COL6A1: variants seen among roughly 807,000 people sequenced by gnomAD.
COL6A1 encodes collagen type VI alpha 1 chain.
COL6A1 carries 80 observed loss-of-function variants against 145.6 expected under a neutral mutation model. The observed-to-expected ratio is 0.55, with a 90% CI of 0.46 to 0.66. The LOEUF (loss-of-function observed/expected upper bound fraction) is 0.66. COL6A1 is among the 30% of genes least tolerant of loss of function. The pLI, the probability that COL6A1 is intolerant of heterozygous loss-of-function variation, is 0.00. For synonymous variants in COL6A1, 638 were observed against 622.8 expected (o/e 1.02, Z -0.36); for missense variants, 1,364 against 1,473.8 (o/e 0.93, Z 1.22).
rs77777483 is a variant in COL6A1, at chr21:45,994,107, C to G, written c.1336-60C>G. The stretch of plus-strand genomic sequence containing the variant: ...AGCATGCTGTGGCTCCCAGCGTGCC[C>G]GGGCAGCCATCCTCCCCAAGGATGG... On this transcript the variant is annotated intron_variant, in intron 19 of 34. Transcript: ENST00000361866. This position sits in a 1 kb window ranked among gnomAD's most constrained non-coding sequence, Gnocchi z 6.8. 2 of 1,530,912 alleles carry G rather than the reference C, an allele frequency of 1.3e-6. No individual in the cohort carries two copies. Among genetic ancestry groups the G allele is most frequent in the South Asian group, 2.4e-5 (2 of 84,152 alleles). The allele number at this position is 1,530,912 out of a possible 1,614,324, so 94.8% of individuals were successfully genotyped here.
chr21:45,986,951 G>T lies in COL6A1; in HGVS notation c.596G>T (p.Arg199Leu). ...VAITPDHLEP[R>L]LSIIATDHTY... Reference sequence around the variant, plus strand: ...CCTGAACACTGCCCCCAGGAGCCGCGTCTGAGCATCATCGCCACGGACCAC... The same window carrying T: ...CCTGAACACTGCCCCCAGGAGCCGCTTCTGAGCATCATCGCCACGGACCAC... Residue 199 changes from arginine (R) to leucine (L), a missense_variant, in exon 5 of 35, where the codon CGT becomes CTT. By Grantham distance (102) the Arg-to-Leu change is moderately radical. Around this residue, in one of 3 missense-constraint regions of COL6A1, gnomAD observed 414 missense variants for 437.6 expected, o/e 0.95. Coordinates refer to ENST00000361866, the MANE Select transcript of COL6A1 (RefSeq NM_001848.3). 1 of 1,550,598 alleles carries T rather than the reference G, an allele frequency of 6.4e-7. No individual in the cohort carries two copies.
chr21:45,997,664 A>C (rs2276255), intron 21 of COL6A1, 36 bp from the exon 22 acceptor site: 3 of 1,569,482 alleles, frequency 1.9e-6, no homozygotes, highest in Non-Finnish European at 2.6e-6. Context: ...TCACCATGCT[A>C]AGCCTGCTCC....
At position 45,992,191 on chromosome 21, in the gene COL6A1, G is replaced by A. The variant is rs1491002060; in HGVS notation, c.1210G>A (p.Gly404Arg). ...EGQPGEPGPPGEKGEAGDEGN... is the reference protein window; with the variant it reads ...EGQPGEPGPPREKGEAGDEGN... ...CCAGCCGGGAGAGCCTGGGCCCCCCGGAGAGAAAGGAGAGGCGGGCGACGA... is the reference window on the plus strand; with the variant it reads ...CCAGCCGGGAGAGCCTGGGCCCCCCAGAGAGAAAGGAGAGGCGGGCGACGA... The change falls in exon 17 of 35, where the codon GGA (glycine) becomes AGA (arginine). Residue 404 changes from glycine to arginine, a missense_variant. Transcript: ENST00000361866. 1.4e-5 allele frequency: 23 copies of A among 1,613,786 alleles called. No individual in the cohort carries two copies. Among genetic ancestry groups the A allele is most frequent in the Non-Finnish European group, 1.9e-5 (22 of 1,179,996 alleles).
chr21:45,987,786 CGGCGGG>C, intron 8 of COL6A1, 132 bp downstream of exon 8: 4 of 567,344 alleles, frequency 7.1e-6, no homozygotes, highest in African/African-American at 4.0e-5. Context: ...ATGGAGGGGA[CGGCGGG>C]GGTCCAGATG....
In COL6A1 at chr21:45,990,433, G is replaced by T; in HGVS notation, c.1002+11G>T. 1.5e-6 allele frequency: 2 copies of T among 1,366,870 alleles called. No individual in the cohort carries two copies. The highest frequency in any genetic ancestry group is 2.0e-6 in the Non-Finnish European group (2 of 1,012,640). 84.7% of individuals were successfully genotyped at this position (1,366,870 alleles called of 1,614,324 possible). ...GTGGACGGCGTGAAGGTGACTGGGG[G>T]GAGATAGGATGGACGGGGAGGGACG... On this transcript the variant is annotated intron_variant, in intron 13 of 34. Coordinates refer to ENST00000361866, the MANE Select transcript of COL6A1 (RefSeq NM_001848.3).
chr21:45,997,284 C>A (rs1208460929), intron 20 of COL6A1, 137 bp from the exon 21 acceptor site: 2 of 818,784 alleles, frequency 2.4e-6, no homozygotes, highest in Non-Finnish European at 2.1e-6. Context: ...GCCTGGCTCT[C>A]CCCCTGCACT....
rs1398547363 is a variant in COL6A1, at chr21:45,994,981, G to A, written c.1398+752G>A. On this transcript the variant is annotated intron_variant, in intron 20 of 34. Transcript: ENST00000361866. The surrounding 1 kb of genome is among the most constrained non-coding windows in gnomAD (Gnocchi z 6.8). ...GCAGCTGCCCACACACCGAGCACAAGGCCAGACCCTGGGCACGGCAGCTGT... is the reference window on the plus strand; with the variant it reads ...GCAGCTGCCCACACACCGAGCACAAAGCCAGACCCTGGGCACGGCAGCTGT... 6.6e-6 allele frequency among the ~76,000 whole-genome samples: 1 copy of A among 152,274 alleles called. No individual in the cohort carries two copies. The highest frequency in any genetic ancestry group is 1.5e-5 in the Non-Finnish European group (1 of 68,046).
At chr21:45,983,413 C>T (rs1040994957) in intron 2 of COL6A1, among the ~76,000 whole-genome samples, 3 of 151,864 alleles carry the variant, frequency 2.0e-5, no homozygotes, top group African/African-American at 4.8e-5. Flanking sequence ...GCATGTAGAA[C>T]GGGGCTCCCC....
chr21:45,984,450 C>G lies in COL6A1; in HGVS notation c.409C>G (p.Leu137Val), dbSNP rs139648899. Residue 137 changes from leucine to valine, a missense_variant, in exon 3 of 35, where the codon CTG (leucine) becomes GTG (valine). By Grantham distance (32) the Leu-to-Val change is conservative. Coordinates refer to ENST00000361866, the MANE Select transcript of COL6A1 (RefSeq NM_001848.3). ...CACCGACTGCGCTATCAAGAAGGGG[C>G]TGGAGCAGCTCCTCGTGGGGTGAGT... ...TYTDCAIKKG[L>V]EQLLVGGSHL... is the part of the protein sequence containing the mutation. 1.7e-4 allele frequency: 273 copies of G among 1,611,006 alleles called. 1 individual carries two copies. The highest frequency in any genetic ancestry group is 1.7e-4 in the Non-Finnish European group (202 of 1,179,922).
chr21:45,982,509 G>A (rs2072698), intron 1 of COL6A1, 125 bp from the exon 2 acceptor site: 1 of 1,407,460 alleles, frequency 7.1e-7, no homozygotes. Flanking sequence ...GCCTTTTCCC[G>A]GGAGAGCCTC....
At position 46,003,847 on chromosome 21, in the gene COL6A1, T is replaced by C. The variant is rs1319880217; in HGVS notation, c.2921T>C (p.Val974Ala). The C allele has an allele frequency of 1.2e-6, 2 of 1,601,314 alleles. No individual in the cohort carries two copies. The highest frequency in any genetic ancestry group is 4.5e-5 in the East Asian group (2 of 44,566). Residue 974 changes from valine to alanine, a missense_variant, in exon 35 of 35, where the codon GTG (valine) becomes GCG (alanine). By Grantham distance (64) the Val-to-Ala change is moderately conservative. Around this residue, in one of 3 missense-constraint regions of COL6A1, gnomAD observed 938 missense variants for 1,003.8 expected, o/e 0.93. Transcript: ENST00000361866. ...RAGIEIFVVV[V>A]GRQVNEPHIR... The stretch of plus-strand genomic sequence containing the variant: ...GGCATCGAGATCTTCGTGGTGGTCG[T>C]GGGCCGCCAGGTGAATGAGCCCCAC...
In COL6A1 at chr21:45,991,081, G is replaced by A. The variant is rs148314075; in HGVS notation, c.1119+40G>A. On this transcript the variant is annotated intron_variant, in intron 15 of 34. Transcript: ENST00000361866. ...GCCCCTGGAGGACCAGGGCCTTCACGGTTGGCCAAGCGCTGAATTGGAAAC... is the reference window on the plus strand; with the variant it reads ...GCCCCTGGAGGACCAGGGCCTTCACAGTTGGCCAAGCGCTGAATTGGAAAC... The A allele has an allele frequency of 6.5e-5, 104 of 1,605,668 alleles. 1 individual carries two copies. Among genetic ancestry groups the A allele is most frequent in the Non-Finnish European group, 8.2e-5 (96 of 1,173,408 alleles).
In COL6A1 at chr21:46,000,763, C is replaced by T. The variant is rs2077839564; in HGVS notation, c.1818C>T (p.Cys606=). The T allele has an allele frequency of 6.2e-7, 1 of 1,613,862 alleles. No individual in the cohort carries two copies. The highest frequency in any genetic ancestry group is 1.7e-5 in the Admixed American group (1 of 60,008). Residue 606 remains cysteine (C), a synonymous_variant, in exon 29 of 35, where the codon TGC becomes TGT. Coordinates refer to ENST00000361866, the MANE Select transcript of COL6A1 (RefSeq NM_001848.3). ...GACTCTTTCTCTTCTCCTCAGCTTGCTGTGGTGAGACCCAGGCTCTAGCTC... is the reference window on the plus strand; with the variant it reads ...GACTCTTTCTCTTCTCCTCAGCTTGTTGTGGTGAGACCCAGGCTCTAGCTC... The part of the protein sequence containing the change: ...ILDIIMKMCS[C]CECKCGPIDL...
chr21:45,991,874 G>A, intron 15 of COL6A1, 136 bp from the exon 16 acceptor site: 1 of 816,014 alleles, frequency 1.2e-6, no homozygotes, highest in Non-Finnish European at 2.0e-6. Flanking sequence ...AGGGTGCTGG[G>A]GGGTCTGGGC....
rs1471278793 is a variant in COL6A1, at chr21:45,990,394, G to A, written c.974G>A (p.Arg325His). ...PKGYKGEKGKRGIDGVDGVKG... is the reference protein window; with the variant it reads ...PKGYKGEKGKHGIDGVDGVKG... Reference sequence around the variant, plus strand: ...GCCTCACAGGGAGAGAAGGGCAAGCGTGGCATCGACGGGGTGGACGGCGTG... The same window carrying A: ...GCCTCACAGGGAGAGAAGGGCAAGCATGGCATCGACGGGGTGGACGGCGTG... The change falls in exon 13 of 35, where the codon CGT (arginine) becomes CAT (histidine). Residue 325 changes from arginine to histidine, a missense_variant. This residue lies in a region of COL6A1 where 12 missense variants were observed against 32.3 expected (regional missense o/e 0.37). Coordinates refer to ENST00000361866, the MANE Select transcript of COL6A1 (RefSeq NM_001848.3). 9 of 1,395,358 alleles carry A rather than the reference G, an allele frequency of 6.4e-6. No homozygotes were observed. In the African/African-American group the frequency reaches 1.1e-4, roughly 17 times the overall value. The allele number at this position is 1,395,358 out of a possible 1,614,324, so 86.4% of individuals were successfully genotyped here. A position where few individuals can be genotyped will look rare whatever the true frequency, so the allele number is the denominator to read the frequency against.
At chr21:45,985,056 TCAGAGACAGA>T (rs2077730766) in intron 3 of COL6A1, among the ~76,000 whole-genome samples, 1 of 72,686 alleles carries the variant, frequency 1.4e-5, no homozygotes, top group Non-Finnish European at 3.0e-5. Flanking sequence ...ACAAAGACAG[TCAGAGACAGA>T]CAGAGACAGA....
In COL6A1 at chr21:45,990,435, A is replaced by T. The variant is rs1340467004; in HGVS notation, c.1002+13A>T. ...GGACGGCGTGAAGGTGACTGGGGGG[A>T]GATAGGATGGACGGGGAGGGACGAG... On this transcript the variant is annotated intron_variant, in intron 13 of 34. Transcript: ENST00000361866. The T allele has an allele frequency of 1.3e-6, 1 of 775,396 alleles. No homozygotes were observed. Among genetic ancestry groups the T allele is most frequent in the Admixed American group, 3.3e-5 (1 of 30,764 alleles). The allele number at this position is 775,396 out of a possible 1,614,324, so 48.0% of individuals were successfully genotyped here.
chr21:45,990,884 T>C, intron 14 of COL6A1, 58 bp downstream of exon 14: 2 of 1,609,532 alleles, frequency 1.2e-6, no homozygotes, highest in South Asian at 2.2e-5. Flanking sequence ...GCACCTCGTG[T>C]GGACCGTTTT....
rs1276849352 is a variant in COL6A1, at chr21:45,986,610, G to A, written c.513G>A (p.Gly171=). 6 of 1,556,876 alleles carry A rather than the reference G, an allele frequency of 3.9e-6. No homozygotes were observed. The African/African-American group carries it at 4.1e-5, about 11-fold the overall frequency. The part of the protein sequence containing the change: ...PLEGYKEPCG[G]LEDAVNEAKH... ...AGGGCTACAAGGAACCCTGTGGGGG[G>A]CTGGAGGATGCTGTGAACGAGGCCA... The change falls in exon 4 of 35, where the codon GGG becomes GGA. Residue 171 remains glycine, a synonymous_variant. Transcript: ENST00000361866.
Sources: gnomAD v4.1 joint callset for allele counts (sites outside exome capture counted in the v4.1 genomes callset) on GRCh38, gnomAD v4.1.1 for gene constraint, gnomAD v4.1.1 regional missense constraint, Gnocchi (gnomAD v3.1) non-coding constraint, MANE v1.5 for transcripts, NCBI Gene and HGNC (gene_info 2026-07-23, HGNC 2026-07-21) for gene names.